Variants in CALN1 observed in about 807,000 individuals in gnomAD.
CALN1 encodes calcium-binding protein 8.
Under a neutral mutation model 30.6 loss-of-function variants are expected in CALN1, and 17 were observed. The ratio of observed to expected loss-of-function variants is 0.56; its 90% CI spans 0.38 to 0.83. The LOEUF is 0.83. Ranked by LOEUF, CALN1 falls within the 40% of genes least tolerant of loss-of-function variation. CALN1 has a pLI of 0.00. For missense variants in CALN1, 291 were observed against 354.9 expected, an observed-to-expected ratio of 0.82 and a Z score of 1.45; for synonymous variants, 156 against 131.4, an observed-to-expected ratio of 1.19 and a Z score of -1.28.
chr7:72,359,970 C>A (rs1397530132), intron 2 of CALN1, among the ~76,000 whole-genome samples: 4 of 24,210 alleles, frequency 1.7e-4, no homozygotes, highest in Non-Finnish European at 2.8e-4. Flanking sequence ...GAGTGAGACT[C>A]CATCTCAAAA....
intron 5 of CALN1, among the ~76,000 whole-genome samples, chr7:71,975,965 T>C (rs1000476099): frequency 2.0e-5 from 3 of 149,760 alleles, no homozygotes; most frequent in East Asian, 4.2e-4. Context: ...ACCAACCTAA[T>C]AGTATTACCA....
chr7:71,833,739 C>T (rs1273012353), intron 5 of CALN1, among the ~76,000 whole-genome samples: 2 of 151,994 alleles, frequency 1.3e-5, no homozygotes, highest in Admixed American at 6.6e-5. Flanking sequence ...CCTGTTTCTA[C>T]ACCCCTGTGC....
At chr7:72,263,563 C>G (rs1295207530) in intron 3 of CALN1, among the ~76,000 whole-genome samples, 2 of 151,838 alleles carry the variant, frequency 1.3e-5, no homozygotes, top group Non-Finnish European at 2.9e-5. Flanking sequence ...GCCTGGCTAA[C>G]TTTTTAATTT....
chr7:72,324,378 G>A (rs1396048047), intron 2 of CALN1, among the ~76,000 whole-genome samples: 2 of 151,906 alleles, frequency 1.3e-5, no homozygotes, highest in Non-Finnish European at 2.9e-5. Flanking sequence ...CCACAGCAGG[G>A]TCATCCCATC....
At chr7:71,792,226 G>C (rs1786608654) in intron 6 of CALN1, among the ~76,000 whole-genome samples, 1 of 152,232 alleles carries the variant, frequency 6.6e-6, no homozygotes, top group South Asian at 2.1e-4. Flanking sequence ...TTATTTAGAA[G>C]TCTGTAATAG....
chr7:71,975,073 A>T (rs1324857191), intron 5 of CALN1, among the ~76,000 whole-genome samples: 1 of 152,126 alleles, frequency 6.6e-6, no homozygotes, highest in African/African-American at 2.4e-5. Context: ...CCAATTAGTC[A>T]CTGGCTGTGT....
At chr7:72,339,823 G>A (rs1802298443) in intron 2 of CALN1, among the ~76,000 whole-genome samples, 1 of 152,184 alleles carries the variant, frequency 6.6e-6, no homozygotes, top group South Asian at 2.1e-4. Context: ...TCACTATCAT[G>A]AGAGCAGTAT....
At chr7:72,274,323 C>A (rs755299705) in intron 3 of CALN1, among the ~76,000 whole-genome samples, 7 of 151,976 alleles carry the variant, frequency 4.6e-5, no homozygotes, top group Non-Finnish European at 1.0e-4. Flanking sequence ...GCCTGGCCAA[C>A]ATGGTGAAAC....
At chr7:72,409,489 T>C (rs1806960587) in intron 1 of CALN1, among the ~76,000 whole-genome samples, 1 of 148,478 alleles carries the variant, frequency 6.7e-6, no homozygotes, top group African/African-American at 2.5e-5. Flanking sequence ...GGCATATGGA[T>C]AGTCTGAGTG....
the CALN1 span, among the ~76,000 whole-genome samples, chr7:72,476,883 T>A: frequency 6.6e-6 from 1 of 152,114 alleles, no homozygotes; most frequent in Non-Finnish European, 1.5e-5. Context: ...AATATATAAA[T>A]GTGAAACCAC....
At chr7:72,194,920 T>C (rs1175737843) in intron 3 of CALN1, among the ~76,000 whole-genome samples, 3 of 151,998 alleles carry the variant, frequency 2.0e-5, no homozygotes, top group Non-Finnish European at 4.4e-5. Context: ...TCCACAATTC[T>C]CCCTCACTCT....
At chr7:72,042,573 A>G (rs919371792) in intron 4 of CALN1, among the ~76,000 whole-genome samples, 20 of 151,936 alleles carry the variant, frequency 1.3e-4, no homozygotes, top group Non-Finnish European at 7.4e-5. Flanking sequence ...CAAATTCAAG[A>G]CTCTCAAACA....
chr7:71,933,911 A>T (rs1795690668), intron 5 of CALN1, among the ~76,000 whole-genome samples: 1 of 152,156 alleles, frequency 6.6e-6, no homozygotes, highest in African/African-American at 2.4e-5. Flanking sequence ...AGTGAGTGAC[A>T]TGGGATGACT....
At chr7:71,863,655 A>C (rs1364778412) in intron 5 of CALN1, among the ~76,000 whole-genome samples, 2 of 152,106 alleles carry the variant, frequency 1.3e-5, no homozygotes, top group Non-Finnish European at 2.9e-5. Context: ...ACACACTGCA[A>C]AACAACGGAA....
chr7:72,381,710 G>A (rs1208422711), intron 2 of CALN1, among the ~76,000 whole-genome samples: 1 of 152,164 alleles, frequency 6.6e-6, no homozygotes, highest in Non-Finnish European at 1.5e-5. Context: ...GGGGCATGGG[G>A]GCAAGGGGAG....
Position 72,384,124 on chromosome 7 carries a change from G to A in CALN1, c.119+19127C>T, listed in dbSNP as rs553658571. ...GGATATGACTTGGAGGAAGGAGGCG[G>A]CAAAATGCTTTCTCCATTACTGGCA... is the stretch of plus-strand genomic sequence containing the variant. On this transcript the variant is annotated intron_variant, in intron 2 of 6. Transcript: ENST00000395275. Among the ~76,000 whole-genome samples the A allele has an allele frequency of 2.6e-5, 4 of 152,264 alleles. No homozygotes were observed. In the East Asian group the frequency reaches 7.7e-4, roughly 29 times the overall value.
At chr7:72,493,499 C>A in the CALN1 span, among the ~76,000 whole-genome samples, 1 of 152,158 alleles carries the variant, frequency 6.6e-6, no homozygotes, top group Non-Finnish European at 1.5e-5. Flanking sequence ...CCACCACTCC[C>A]AGCTAATTTT....
At chr7:72,255,102 T>C (rs1795824355) in intron 3 of CALN1, among the ~76,000 whole-genome samples, 1 of 151,100 alleles carries the variant, frequency 6.6e-6, no homozygotes, top group South Asian at 2.1e-4. Flanking sequence ...TTCTTTTCTT[T>C]TGAGACGGAA....
intron 6 of CALN1, among the ~76,000 whole-genome samples, chr7:71,796,520 C>T (rs780509517): frequency 4.6e-5 from 7 of 151,912 alleles, no homozygotes; most frequent in Non-Finnish European, 8.8e-5. Flanking sequence ...CCACCACGCC[C>T]GGCTAATTTT....
Sources: gnomAD v4.1 joint callset for allele counts (sites outside exome capture counted in the v4.1 genomes callset) on GRCh38, gnomAD v4.1.1 for gene constraint, MANE v1.5 for transcripts, NCBI Gene and HGNC (gene_info 2026-07-23, HGNC 2026-07-21) for gene names.